Variants in PPP2R2B observed in about 807,000 individuals in gnomAD.
PPP2R2B encodes the protein protein phosphatase 2 regulatory subunit Bbeta, also known as serine/threonine-protein phosphatase 2A 55 kDa regulatory subunit B beta isoform.
A neutral mutation model predicts 46.0 loss-of-function variants in PPP2R2B; 5 were observed. The observed-to-expected ratio is 0.11, with a 90% CI of 0.06 to 0.23. The LOEUF is 0.23. Among genes scored for constraint, PPP2R2B ranks in the 10% least tolerant of loss-of-function variants. PPP2R2B has a pLI of 1.00. For synonymous variants in PPP2R2B, 215 were observed against 206.7 expected (o/e 1.04, Z -0.34); for missense variants, 367 against 575.0 (o/e 0.64, Z 3.70).
intron 1 of PPP2R2B, among the ~76,000 whole-genome samples, chr5:146,962,224 G>C (rs1343594086): frequency 1.3e-5 from 2 of 150,224 alleles, no homozygotes; most frequent in African/African-American, 4.9e-5. Context: ...CTTTGGGTCA[G>C]TTCAAATTGA....
chr5:146,984,261 C>T (rs1158799460), intron 1 of PPP2R2B, among the ~76,000 whole-genome samples: 1 of 152,150 alleles, frequency 6.6e-6, no homozygotes, highest in African/African-American at 2.4e-5. Flanking sequence ...TCCAACCTCC[C>T]ACGGTCTGGT....
chr5:146,968,557 G>A (rs1752537513), intron 1 of PPP2R2B, among the ~76,000 whole-genome samples: 1 of 152,192 alleles, frequency 6.6e-6, no homozygotes, highest in African/African-American at 2.4e-5. Context: ...GTCTGTTAAT[G>A]ACCTGAGCTA....
Position 146,777,758 on chromosome 5 carries a change from G to T in PPP2R2B, c.71-76616C>A, listed in dbSNP as rs1755274846. Among the ~76,000 whole-genome samples, 4 of 152,120 alleles carry T rather than the reference G, an allele frequency of 2.6e-5. No homozygotes were observed. The South Asian group carries it at 8.3e-4, about 31-fold the overall frequency. ...CTATGCACAATTGAGAAAAGGAAAA[G>T]TGGCCCTTATAAACTGGAACTTAAA... is the stretch of plus-strand genomic sequence containing the variant. On this transcript the variant is annotated intron_variant, in intron 2 of 9. Coordinates refer to ENST00000394411, the MANE Select transcript of PPP2R2B (RefSeq NM_181675.4).
At chr5:146,983,614 A>G (rs1379370662) in intron 1 of PPP2R2B, among the ~76,000 whole-genome samples, 1 of 152,128 alleles carries the variant, frequency 6.6e-6, no homozygotes, top group Non-Finnish European at 1.5e-5. Flanking sequence ...ACCTCCCTTT[A>G]CACTAGTTTA....
At chr5:146,825,700 A>G (rs1003494788) in intron 2 of PPP2R2B, among the ~76,000 whole-genome samples, 9 of 152,232 alleles carry the variant, frequency 5.9e-5, no homozygotes, top group African/African-American at 1.4e-4. Flanking sequence ...TTAACTGTAA[A>G]AAGAGGTGAT....
chr5:146,672,273 T>A (rs1777421250), intron 5 of PPP2R2B, among the ~76,000 whole-genome samples: 1 of 152,180 alleles, frequency 6.6e-6, no homozygotes, highest in African/African-American at 2.4e-5. Flanking sequence ...TGGTTTTTGA[T>A]GTTGAACAAG....
intron 2 of PPP2R2B, among the ~76,000 whole-genome samples, chr5:146,770,326 G>A (rs545968114): frequency 1.3e-3 from 89 of 67,978 alleles, no homozygotes; most frequent in Non-Finnish European, 2.0e-3. Flanking sequence ...GTGAGATTCC[G>A]TCTCAAAAAA....
At chr5:146,953,241 C>T (rs1446236612) in intron 1 of PPP2R2B, among the ~76,000 whole-genome samples, 1 of 152,150 alleles carries the variant, frequency 6.6e-6, no homozygotes, top group South Asian at 2.1e-4. Context: ...CTCATTTGCT[C>T]GACCTGTAGC....
chr5:146,623,127 A>C (rs2151059927), intron 7 of PPP2R2B, among the ~76,000 whole-genome samples: 1 of 152,378 alleles, frequency 6.6e-6, no homozygotes, highest in Non-Finnish European at 1.5e-5. Flanking sequence ...AGTACGTTGG[A>C]TTAACACAAA....
chr5:146,998,374 C>A lies in PPP2R2B; in HGVS notation c.79+57291G>T, dbSNP rs540796966. On this transcript the variant is annotated intron_variant, in intron 1 of 8. Transcript: ENST00000336640. ...CCAGGAATGTGCTCTTAGTAAATATCCTTAATTGAGTCGGACAATCTGGGA... is the reference window on the plus strand; with the variant it reads ...CCAGGAATGTGCTCTTAGTAAATATACTTAATTGAGTCGGACAATCTGGGA... Among the ~76,000 whole-genome samples the A allele has an allele frequency of 5.9e-5, 9 of 152,282 alleles. 1 individual carries two copies. The South Asian group carries it at 1.7e-3, about 28-fold the overall frequency.
chr5:146,861,351 C>A (rs1760988372), intron 2 of PPP2R2B, among the ~76,000 whole-genome samples: 1 of 152,026 alleles, frequency 6.6e-6, no homozygotes, highest in African/African-American at 2.4e-5. Context: ...CCACCGCGCC[C>A]AGCCTAATTT....
rs750639055 is a variant in PPP2R2B, at chr5:146,600,508, T to G, written c.791-48A>C. On this transcript the variant is annotated intron_variant, in intron 7 of 9. Transcript: ENST00000394411. ...GACAAATTTAGCAATCCTTATCAAC[T>G]GACTCTAACATGTTTGGACTGGCTA... The G allele has an allele frequency of 9.5e-6, 15 of 1,583,406 alleles. No homozygotes were observed. In the African/African-American group the frequency reaches 1.8e-4, roughly 18 times the overall value.
At chr5:146,769,367 G>A (rs1582061676) in intron 2 of PPP2R2B, among the ~76,000 whole-genome samples, 1 of 152,158 alleles carries the variant, frequency 6.6e-6, no homozygotes, top group East Asian at 1.9e-4. Flanking sequence ...GTGTATTAGC[G>A]AGCCCTTCAG....
intron 1 of PPP2R2B, among the ~76,000 whole-genome samples, chr5:146,930,284 G>A (rs964845422): frequency 2.0e-5 from 3 of 152,138 alleles, no homozygotes; most frequent in Non-Finnish European, 2.9e-5. Context: ...GAACAACAAG[G>A]ACAGATGTGT....
intron 2 of PPP2R2B, among the ~76,000 whole-genome samples, chr5:146,862,463 C>T (rs1035079370): frequency 5.3e-5 from 8 of 152,192 alleles, no homozygotes; most frequent in South Asian, 2.1e-4. Flanking sequence ...TTGCCACATT[C>T]GTGAAATGGG....
At chr5:146,838,571 A>C (rs77630919) in intron 2 of PPP2R2B, among the ~76,000 whole-genome samples, 1 of 73,868 alleles carries the variant, frequency 1.4e-5, no homozygotes, top group Non-Finnish European at 2.5e-5. Flanking sequence ...CCTCCATCTC[A>C]AAAAAAAAAA....
intron 2 of PPP2R2B, among the ~76,000 whole-genome samples, chr5:146,739,397 AC>A (rs1752733470): frequency 1.3e-5 from 2 of 152,150 alleles, no homozygotes; most frequent in African/African-American, 4.8e-5. Context: ...GTGTTAAAAG[AC>A]AAATGAGAGT....
chr5:146,926,104 C>A (rs1049716892), intron 1 of PPP2R2B, among the ~76,000 whole-genome samples: 10 of 152,048 alleles, frequency 6.6e-5, no homozygotes, highest in African/African-American at 2.4e-4. Flanking sequence ...ATAATAGCTG[C>A]CTTGAAATTT....
chr5:146,828,674 C>G (rs1385522880), intron 2 of PPP2R2B, among the ~76,000 whole-genome samples: 1 of 152,090 alleles, frequency 6.6e-6, no homozygotes, highest in African/African-American at 2.4e-5. Context: ...TTTTTCCCCC[C>G]AACACAAAAC....
Sources: allele counts gnomAD v4.1 joint callset (sites outside exome capture counted in the v4.1 genomes callset), GRCh38; gene constraint gnomAD v4.1.1; transcripts MANE v1.5; gene names NCBI Gene and HGNC (gene_info 2026-07-23, HGNC 2026-07-21).